The following ARMC9 variants were observed in gnomAD, a reference collection of about 807,000 sequenced individuals.
The protein encoded by ARMC9 is lisH domain-containing protein ARMC9.
ARMC9 carries 94 observed loss-of-function variants against 107.0 expected under a neutral mutation model. The observed-to-expected ratio is 0.88, with a 90% CI of 0.74 to 1.04. The LOEUF (loss-of-function observed/expected upper bound fraction) is 1.04. Among genes scored for constraint, ARMC9 ranks in the 50% least tolerant of loss-of-function variants. The probability of loss-of-function intolerance (pLI) is 0.00; values close to 1 mark genes in which losing one functional copy is unlikely to be tolerated. For synonymous variants in ARMC9, 380 were observed against 396.9 expected (o/e 0.96, Z 0.51); for missense variants, 942 against 1,030.1 (o/e 0.91, Z 1.17).
At chr2:231,256,466 A>T (rs2037827106) in intron 9 of ARMC9, 120 bp from the exon 10 acceptor site, 1 of 1,398,506 alleles carries the variant, frequency 7.2e-7, no homozygotes, top group Non-Finnish European at 9.9e-7. Context: ...AACCAAAAAA[A>T]AAAACCCAAA....
At chr2:231,338,303 C>T (rs1195732414) in intron 20 of ARMC9, among the ~76,000 whole-genome samples, 1 of 151,824 alleles carries the variant, frequency 6.6e-6, no homozygotes, top group Admixed American at 6.6e-5. Context: ...ACTGTAGCCT[C>T]CACCTCCCAG....
chr2:231,262,931 G>A (rs145920924), intron 12 of ARMC9, among the ~76,000 whole-genome samples: 11 of 152,204 alleles, frequency 7.2e-5, no homozygotes, highest in African/African-American at 2.6e-4. Context: ...TCCTCATCTG[G>A]GCAAGGAGCC....
intron 18 of ARMC9, chr2:231,295,330 A>G (rs2041283492): frequency 6.6e-6 from 1 of 152,326 alleles, no homozygotes. Flanking sequence ...GTAAGCAGCA[A>G]TCTTCCAGAA....
At chr2:231,294,919 T>A (rs889593925) in intron 18 of ARMC9, 1 of 152,210 alleles carries the variant, frequency 6.6e-6, no homozygotes, top group African/African-American at 2.4e-5. Context: ...CAAGCCTCAG[T>A]GAGCAGGGGG....
chr2:231,239,151 G>T (rs547445119), intron 8 of ARMC9, among the ~76,000 whole-genome samples: 1 of 152,184 alleles, frequency 6.6e-6, no homozygotes, highest in Non-Finnish European at 1.5e-5. Flanking sequence ...ATTGGTTTGT[G>T]GGGGAAGGGT....
intron 6 of ARMC9, among the ~76,000 whole-genome samples, chr2:231,224,784 G>A (rs1289465437): frequency 6.6e-6 from 1 of 152,208 alleles, no homozygotes; most frequent in African/African-American, 2.4e-5. Context: ...AAAAGGCCAA[G>A]ATGTAATTCT....
intron 20 of ARMC9, among the ~76,000 whole-genome samples, chr2:231,336,480 C>T (rs529374572): frequency 6.6e-6 from 1 of 152,352 alleles, no homozygotes. Context: ...CTTGCAGCAG[C>T]GCTGGCCGTT....
rs181272345 is a variant in ARMC9, at chr2:231,329,708, G to T, written c.1774-2085G>T. Among the ~76,000 whole-genome samples the T allele has an allele frequency of 2.0e-5, 3 of 152,210 alleles. No homozygotes were observed. In the East Asian group the frequency reaches 5.8e-4, roughly 29 times the overall value. On this transcript the variant is annotated intron_variant, in intron 19 of 24. Transcript: ENST00000611582. Reference sequence around the variant, plus strand: ...CTCTTTTTTTGAGCACTTGTAAATGGCATTGTATTTTTAATTTCAATGTTC... The same window carrying T: ...CTCTTTTTTTGAGCACTTGTAAATGTCATTGTATTTTTAATTTCAATGTTC...
At chr2:231,341,908 G>A (rs80108640) in intron 20 of ARMC9, among the ~76,000 whole-genome samples, 2,884 of 152,156 alleles carry the variant, frequency 0.019, 108 homozygotes, top group African/African-American at 0.065. Context: ...AATAATCTCC[G>A]TCTGTAACAC....
chr2:231,298,759 C>A (rs1238088444), intron 19 of ARMC9, among the ~76,000 whole-genome samples: 1 of 152,084 alleles, frequency 6.6e-6, no homozygotes, highest in Non-Finnish European at 1.5e-5. Flanking sequence ...ATGGTGAAAC[C>A]CCATCTCTAC....
At position 231,241,272 on chromosome 2, in the gene ARMC9, C is replaced by T. The variant is rs770109621; in HGVS notation, c.879+1231C>T. Among the ~76,000 whole-genome samples the T allele has an allele frequency of 5.5e-4, 84 of 152,096 alleles. 1 individual carries two copies. The highest frequency in any genetic ancestry group is 1.1e-3 in the Non-Finnish European group (76 of 68,018). ...TCCTTATAATTAGATTCGGGTTATGCATCCCTGAATCACCTAGGCCAAATA... is the reference window on the plus strand; with the variant it reads ...TCCTTATAATTAGATTCGGGTTATGTATCCCTGAATCACCTAGGCCAAATA... On this transcript the variant is annotated intron_variant, in intron 9 of 24. Transcript: ENST00000611582.
At chr2:231,206,779 A>G (rs1232829708) in intron 2 of ARMC9, among the ~76,000 whole-genome samples, 1 of 152,212 alleles carries the variant, frequency 6.6e-6, no homozygotes, top group Non-Finnish European at 1.5e-5. Flanking sequence ...ATTGTCTGGT[A>G]ATGGCCTAGG....
At chr2:231,257,896 A>T (rs1464249519) in intron 10 of ARMC9, among the ~76,000 whole-genome samples, 1 of 152,188 alleles carries the variant, frequency 6.6e-6, no homozygotes, top group Non-Finnish European at 1.5e-5. Flanking sequence ...ATAAAACAAC[A>T]ATAAAACAAA....
chr2:231,340,082 A>G (rs1471642358), intron 20 of ARMC9, among the ~76,000 whole-genome samples: 1 of 152,220 alleles, frequency 6.6e-6, no homozygotes, highest in African/African-American at 2.4e-5. Context: ...GTGACATGGG[A>G]GCTCTCCTGC....
intron 12 of ARMC9, among the ~76,000 whole-genome samples, chr2:231,268,859 T>C (rs1389191649): frequency 6.6e-6 from 1 of 152,000 alleles, no homozygotes; most frequent in Non-Finnish European, 1.5e-5. Context: ...CCCAGGAGTT[T>C]GTGAGCAGCC....
Position 231,296,258 on chromosome 2 carries a change from G to A in ARMC9, c.1773+5G>A. 6.2e-7 allele frequency: 1 copy of A among 1,612,274 alleles called. No individual in the cohort carries two copies. Among genetic ancestry groups the A allele is most frequent in the Non-Finnish European group, 8.5e-7 (1 of 1,178,792 alleles). ...GATGAAGATGAAGATGATGAAGTAAGTTGGAGGTTCTTGACACCACATAGA... is the reference window on the plus strand; with the variant it reads ...GATGAAGATGAAGATGATGAAGTAAATTGGAGGTTCTTGACACCACATAGA... On this transcript the variant is annotated splice_donor_5th_base_variant and intron_variant, in intron 19 of 24. Coordinates refer to ENST00000611582, the MANE Select transcript of ARMC9 (RefSeq NM_001352754.2).
intron 21 of ARMC9, among the ~76,000 whole-genome samples, chr2:231,355,595 A>C (rs1355923185): frequency 6.6e-6 from 1 of 152,252 alleles, no homozygotes; most frequent in African/African-American, 2.4e-5. Flanking sequence ...GGGGGCTAAC[A>C]GGAACAAGGG....
chr2:231,263,570 T>C (rs1012002794), intron 12 of ARMC9, among the ~76,000 whole-genome samples: 2 of 152,236 alleles, frequency 1.3e-5, no homozygotes, highest in African/African-American at 4.8e-5. Context: ...CCTGTACTAC[T>C]ACATTGGCAA....
chr2:231,286,426 TTGTA>T (rs1283161353), intron 17 of ARMC9, among the ~76,000 whole-genome samples: 1 of 152,232 alleles, frequency 6.6e-6, no homozygotes, highest in Non-Finnish European at 1.5e-5. Context: ...CTGCTGGTAT[TTGTA>T]TGTGTGTCAG....
Sources: allele counts gnomAD v4.1 joint callset (sites outside exome capture counted in the v4.1 genomes callset), GRCh38; gene constraint gnomAD v4.1.1; transcripts MANE v1.5; gene names NCBI Gene and HGNC (gene_info 2026-07-23, HGNC 2026-07-21).